The following CDC42 variants were observed in gnomAD, a reference collection of about 807,000 sequenced individuals.
CDC42 encodes cell division control protein 42 homolog.
Under a neutral mutation model 20.8 loss-of-function variants are expected in CDC42, and 1 was observed. That is an observed-to-expected ratio of 0.05 (90% CI 0.02 to 0.23). The LOEUF is 0.23. CDC42 is among the 10% of genes least tolerant of loss of function. The pLI is 1.00. For missense variants in CDC42, 49 were observed against 227.9 expected (o/e 0.21, Z 5.05); for synonymous variants, 72 against 84.8 (o/e 0.85, Z 0.83).
intron 5 of CDC42, among the ~76,000 whole-genome samples, chr1:22,087,180 A>AT (rs1293234218): frequency 1.1e-3 from 163 of 147,030 alleles, no homozygotes; most frequent in East Asian, 3.4e-3. Context: ...GATGTGAATG[A>AT]TTTTTTTTTT....
intron 5 of CDC42, 125 bp downstream of exon 5, chr1:22,086,991 C>T: frequency 1.3e-6 from 1 of 747,996 alleles, no homozygotes; most frequent in Non-Finnish European, 2.3e-6. Context: ...ATATGAACAG[C>T]TTCATATTGT....
intron 1 of CDC42, among the ~76,000 whole-genome samples, 198 bp from the exon 2 acceptor site, chr1:22,078,231 C>G (rs1429906309): frequency 1.3e-5 from 2 of 152,150 alleles, no homozygotes; most frequent in Non-Finnish European, 2.9e-5. Context: ...TTGGAATAGC[C>G]AGGGATCAGA....
rs182621544 is a variant in CDC42, at chr1:22,096,030, G to A, written c.*4513G>A. Among the ~76,000 whole-genome samples the A allele has an allele frequency of 1.2e-4, 18 of 152,104 alleles. No individual in the cohort carries two copies. The highest frequency in any genetic ancestry group is 7.9e-4 in the Admixed American group (12 of 15,272). ...GCTGGAGTGCAGTGGTGGCATCTCC[G>A]CTCACTGCAACCTCCACCTCCCAGG... On this transcript the variant is annotated 3_prime_UTR_variant, in exon 6 of 6. Coordinates refer to ENST00000656825, the MANE Select transcript of CDC42 (RefSeq NM_001791.4).
At chr1:22,084,889 A>G (rs1187128554) in intron 3 of CDC42, among the ~76,000 whole-genome samples, 1 of 152,216 alleles carries the variant, frequency 6.6e-6, no homozygotes, top group African/African-American at 2.4e-5. Context: ...AGCACCATTT[A>G]TTGAAGAGTC....
At chr1:22,070,441 CTCTT>C in intron 1 of CDC42, among the ~76,000 whole-genome samples, 1 of 125,696 alleles carries the variant, frequency 8.0e-6, no homozygotes, top group South Asian at 2.6e-4. Flanking sequence ...CTGCCTTTGC[CTCTT>C]TTTTTTTTTT....
chr1:22,068,701 A>C (rs1421403060), intron 1 of CDC42: 1 of 152,404 alleles, frequency 6.6e-6, no homozygotes, highest in Admixed American at 6.5e-5. Context: ...TCTGAGTACC[A>C]GTGCTCTTAA....
At position 22,091,791 on chromosome 1, in the gene CDC42, G is replaced by GGTTTT. The variant is rs1553196592; in HGVS notation, c.*274_*275insGTTTT. 1 of 77,876 alleles carries GGTTTT rather than the reference G, an allele frequency of 1.3e-5. No homozygotes were observed. The highest frequency in any genetic ancestry group is 5.4e-5 in the African/African-American group (1 of 18,600). The allele number at this position is 77,876 out of a possible 1,614,324, so 4.8% of individuals were successfully genotyped here. A position where few individuals can be genotyped will look rare whatever the true frequency, so the allele number is the denominator to read the frequency against. On this transcript the variant is annotated 3_prime_UTR_variant, in exon 6 of 6. Coordinates refer to ENST00000656825, the MANE Select transcript of CDC42 (RefSeq NM_001791.4). Reference sequence around the variant, plus strand: ...TCAAAAAAAAAATTTTTGTGTGTGTGTGTTTTTTTTTTTTTTTTTTTTGTT... The same window carrying GGTTTT: ...TCAAAAAAAAAATTTTTGTGTGTGTGGTTTTTGTTTTTTTTTTTTTTTTTTTTGTT...
At position 22,096,082 on chromosome 1, in the gene CDC42, C is replaced by T. The variant is rs1295485111; in HGVS notation, c.*4565C>T. On this transcript the variant is annotated 3_prime_UTR_variant, in exon 6 of 6. Transcript: ENST00000656825. ...TCACATGATTCTCCTGCCTCAGCCT[C>T]CTGAGTAGCTGGGATTACAGGTGTC... Among the ~76,000 whole-genome samples the T allele has an allele frequency of 2.0e-5, 3 of 152,082 alleles. No homozygotes were observed. Among genetic ancestry groups the T allele is most frequent in the African/African-American group, 7.2e-5 (3 of 41,396 alleles).
intron 1 of CDC42, among the ~76,000 whole-genome samples, chr1:22,054,325 C>G (rs900627403): frequency 9.9e-5 from 15 of 152,030 alleles, no homozygotes; most frequent in Non-Finnish European, 1.9e-4. Flanking sequence ...AAGTGAGCCT[C>G]CCACCTCAGC....
rs1256966255 is a variant in CDC42, at chr1:22,093,017, T to G, written c.*1500T>G. 1 of 152,662 alleles carries G rather than the reference T, an allele frequency of 6.6e-6. No individual in the cohort carries two copies. Among genetic ancestry groups the G allele is most frequent in the African/African-American group, 2.4e-5 (1 of 41,472 alleles). The allele number at this position is 152,662 out of a possible 1,614,324, so 9.5% of individuals were successfully genotyped here. On this transcript the variant is annotated 3_prime_UTR_variant, in exon 6 of 6. Transcript: ENST00000656825. Reference sequence around the variant, plus strand: ...ATATTGAGGAGTGGGAATTTGACTCTTGATAACATCAATTTCTAACAAACT... The same window carrying G: ...ATATTGAGGAGTGGGAATTTGACTCGTGATAACATCAATTTCTAACAAACT...
At position 22,097,433 on chromosome 1, in the gene CDC42, G is replaced by A. The variant is rs924255589; in HGVS notation, c.*5916G>A. 3.9e-5 allele frequency among the ~76,000 whole-genome samples: 6 copies of A among 152,124 alleles called. No individual in the cohort carries two copies. The highest frequency in any genetic ancestry group is 1.4e-4 in the African/African-American group (6 of 41,416). On this transcript the variant is annotated 3_prime_UTR_variant, in exon 6 of 6. Coordinates refer to ENST00000656825, the MANE Select transcript of CDC42 (RefSeq NM_001791.4). ...ATTTTTGTATTTTTAGTAGAGATGG[G>A]GTTTCACCATGTTGGCCAGGCTGGT... is the stretch of plus-strand genomic sequence containing the variant.
In CDC42 at chr1:22,092,188, GT is replaced by G. The variant is rs1645725272; in HGVS notation, c.*672del. ...TTCTCTCCACCCTTGAGTAGATCCA[GT>G]ATTTGATGAAACTCATGAAAGTGGG... On this transcript the variant is annotated 3_prime_UTR_variant, in exon 6 of 6. Coordinates refer to ENST00000656825, the MANE Select transcript of CDC42 (RefSeq NM_001791.4). 1.3e-5 allele frequency: 2 copies of G among 152,614 alleles called. No individual in the cohort carries two copies. The highest frequency in any genetic ancestry group is 4.8e-5 in the African/African-American group (2 of 41,512). 9.5% of individuals were successfully genotyped at this position (152,614 alleles called of 1,614,324 possible).
chr1:22,054,767 A>G (rs907484732), intron 1 of CDC42, among the ~76,000 whole-genome samples: 1 of 151,404 alleles, frequency 6.6e-6, no homozygotes, highest in Non-Finnish European at 1.5e-5. Flanking sequence ...CCTTGATGTA[A>G]TATTTTAGGC....
At chr1:22,052,783 C>G (rs1645249438) in intron 1 of CDC42, 41 bp downstream of exon 1, 1 of 152,882 alleles carries the variant, frequency 6.5e-6, no homozygotes, top group South Asian at 2.1e-4. Context: ...AGCTGCCACC[C>G]TACCTTCCCA....
At chr1:22,068,411 TG>T (rs1372106453) in intron 1 of CDC42, 1 of 153,406 alleles carries the variant, frequency 6.5e-6, no homozygotes, top group Non-Finnish European at 1.5e-5. Context: ...TCTTCATAAT[TG>T]GCTTGATCTC....
At chr1:22,072,081 T>G (rs772913265) in intron 1 of CDC42, among the ~76,000 whole-genome samples, 61 of 146,392 alleles carry the variant, frequency 4.2e-4, no homozygotes, top group Non-Finnish European at 7.6e-4. Flanking sequence ...CAGGAAAACG[T>G]TTTACTTACC....
chr1:22,070,693 TG>T (rs1645477928), intron 1 of CDC42, among the ~76,000 whole-genome samples: 3 of 151,958 alleles, frequency 2.0e-5, no homozygotes, highest in African/African-American at 7.3e-5. Flanking sequence ...CTTGATCTCT[TG>T]ACCTCGTGAT....
intron 1 of CDC42, among the ~76,000 whole-genome samples, chr1:22,066,052 G>A (rs766735659): frequency 2.0e-5 from 3 of 152,134 alleles, no homozygotes; most frequent in Non-Finnish European, 4.4e-5. Flanking sequence ...CTGTGCCTGG[G>A]CGTTTTTTTC....
rs1645731650 is a variant in CDC42, at chr1:22,092,908, T to A, written c.*1391T>A. 1.3e-5 allele frequency: 2 copies of A among 152,646 alleles called. No homozygotes were observed. The highest frequency in any genetic ancestry group is 2.9e-5 in the Non-Finnish European group (2 of 68,036). 9.5% of individuals were successfully genotyped at this position (152,646 alleles called of 1,614,324 possible). A position where few individuals can be genotyped will look rare whatever the true frequency, so the allele number is the denominator to read the frequency against. ...ATGTCTCAATTCTTTGTATATGCAT[T>A]CTTTTCAGATGTATTAAACAAACAA... On this transcript the variant is annotated 3_prime_UTR_variant, in exon 6 of 6. Transcript: ENST00000656825.
Sources: gnomAD v4.1 joint callset for allele counts (sites outside exome capture counted in the v4.1 genomes callset) on GRCh38, gnomAD v4.1.1 for gene constraint, MANE v1.5 for transcripts, NCBI Gene and HGNC (gene_info 2026-07-23, HGNC 2026-07-21) for gene names.